BCAS3: variants seen among roughly 807,000 people sequenced by gnomAD.
BCAS3 encodes BCAS3 microtubule associated cell migration factor.
BCAS3 carries 53 observed loss-of-function variants against 116.1 expected under a neutral mutation model. The observed-to-expected ratio is 0.46, with a 90% CI of 0.37 to 0.57. BCAS3 has a LOEUF of 0.57. Ranked by LOEUF, BCAS3 falls within the 20% of genes least tolerant of loss-of-function variation. The probability of loss-of-function intolerance (pLI) is 0.00; values close to 1 mark genes in which losing one functional copy is unlikely to be tolerated. For missense variants in BCAS3, 917 were observed against 1,165.4 expected, an observed-to-expected ratio of 0.79 and a Z score of 3.10; for synonymous variants, 391 against 408.2, an observed-to-expected ratio of 0.96 and a Z score of 0.51.
rs549959867 is a variant in BCAS3, at chr17:61,029,037, C to A, written c.1638-5629C>A. Reference sequence around the variant, plus strand: ...TTTTCCATGTTATTTAGCATTCAACCTGAGAATGTTTTTATGTACTGTTCT... The same window carrying A: ...TTTTCCATGTTATTTAGCATTCAACATGAGAATGTTTTTATGTACTGTTCT... On this transcript the variant is annotated intron_variant, in intron 16 of 23. Coordinates refer to ENST00000407086, the MANE Select transcript of BCAS3 (RefSeq NM_017679.5). This position sits in a 1 kb window ranked among gnomAD's most constrained non-coding sequence, Gnocchi z 5.2. Among the ~76,000 whole-genome samples, 1 of 151,852 alleles carries A rather than the reference C, an allele frequency of 6.6e-6. No homozygotes were observed. The highest frequency in any genetic ancestry group is 2.1e-4 in the South Asian group (1 of 4,822).
chr17:61,055,321 A>G (rs1397721677), intron 19 of BCAS3, among the ~76,000 whole-genome samples: 1 of 152,196 alleles, frequency 6.6e-6, no homozygotes, highest in Non-Finnish European at 1.5e-5. Context: ...GCGCCATTTC[A>G]GGGTGACTAT....
intron 19 of BCAS3, among the ~76,000 whole-genome samples, chr17:61,052,707 CTTTCTTTCTTTTTTTTTT>C (rs1305206861): frequency 2.2e-5 from 3 of 139,416 alleles, no homozygotes; most frequent in African/African-American, 8.4e-5. Flanking sequence ...TTCTTTCTTT[CTTTCTTTCTTTTTTTTTT>C]TTTTTTTTTT....
intron 22 of BCAS3, among the ~76,000 whole-genome samples, chr17:61,099,384 A>T (rs1264525646): frequency 1.3e-5 from 2 of 152,152 alleles, no homozygotes; most frequent in East Asian, 3.9e-4. Context: ...ACCATTGTTG[A>T]TTTCTTATAA....
chr17:61,173,778 A>C (rs900909414), intron 22 of BCAS3, among the ~76,000 whole-genome samples: 12 of 151,850 alleles, frequency 7.9e-5, no homozygotes, highest in Admixed American at 2.0e-4. Context: ...GCCACTCAGG[A>C]GGTTGAGATG....
chr17:60,743,512 A>G lies in BCAS3; in HGVS notation c.322-3686A>G, dbSNP rs553499542. On this transcript the variant is annotated intron_variant, in intron 5 of 23. Coordinates refer to ENST00000407086, the MANE Select transcript of BCAS3 (RefSeq NM_017679.5). ...TGTTACCTCTTGATAAAGTTTGCTA[A>G]AAAAAAAAAAAATCATTTGTGGACC... Among the ~76,000 whole-genome samples, 383 of 136,744 alleles carry G rather than the reference A, an allele frequency of 2.8e-3. 1 individual carries two copies. The highest frequency in any genetic ancestry group is 0.011 in the African/African-American group (368 of 32,978). The allele number at this position is 136,744 out of a possible 152,430, so 89.7% of individuals were successfully genotyped here. A position where few individuals can be genotyped will look rare whatever the true frequency, so the allele number is the denominator to read the frequency against.
At chr17:60,918,914 C>T (rs1433291377) in intron 12 of BCAS3, among the ~76,000 whole-genome samples, 3 of 151,898 alleles carry the variant, frequency 2.0e-5, no homozygotes, top group African/African-American at 4.8e-5. Flanking sequence ...AGGATGGTCC[C>T]GATCTCCTGA....
chr17:61,033,308 G>A lies in BCAS3; in HGVS notation c.1638-1358G>A, dbSNP rs867399720. The stretch of plus-strand genomic sequence containing the variant: ...ATTTCTGATTTAGTAGGTCTGGGAT[G>A]GGGCCTATGAGTATTTGCTTGCACT... On this transcript the variant is annotated intron_variant, in intron 16 of 23. Coordinates refer to ENST00000407086, the MANE Select transcript of BCAS3 (RefSeq NM_017679.5). 2.6e-5 allele frequency among the ~76,000 whole-genome samples: 4 copies of A among 152,262 alleles called. No homozygotes were observed. In the South Asian group the frequency reaches 8.3e-4, roughly 32 times the overall value.
chr17:61,274,957 C>G (rs1568729211), intron 22 of BCAS3, among the ~76,000 whole-genome samples: 1 of 152,084 alleles, frequency 6.6e-6, no homozygotes, highest in Non-Finnish European at 1.5e-5. Context: ...CTCCTGGTCT[C>G]AAGTAATGAT....
intron 6 of BCAS3, among the ~76,000 whole-genome samples, chr17:60,747,720 G>A (rs1366799683): frequency 2.0e-5 from 3 of 151,962 alleles, no homozygotes; most frequent in Non-Finnish European, 4.4e-5. Context: ...TTATACTTAT[G>A]CCATGGAGAG....
In BCAS3 at chr17:61,176,717, C is replaced by T. The variant is rs546180872; in HGVS notation, c.2425+92153C>T. Among the ~76,000 whole-genome samples, 447 of 152,010 alleles carry T rather than the reference C, an allele frequency of 2.9e-3. 4 individuals are homozygous for T. Among genetic ancestry groups the T allele is most frequent in the Non-Finnish European group, 2.8e-3 (193 of 67,962 alleles). On this transcript the variant is annotated intron_variant, in intron 22 of 23. Transcript: ENST00000407086. Reference sequence around the variant, plus strand: ...GGACTACAGTCATGTGCCAACATGTCCCAACAATTTTTGAAATTTTTTGTA... The same window carrying T: ...GGACTACAGTCATGTGCCAACATGTTCCAACAATTTTTGAAATTTTTTGTA...
chr17:61,058,478 C>T (rs1007287912), intron 19 of BCAS3, among the ~76,000 whole-genome samples: 3 of 152,082 alleles, frequency 2.0e-5, no homozygotes, highest in African/African-American at 4.8e-5. Context: ...CTTGGTCACT[C>T]GGCTGATTTC....
intron 5 of BCAS3, among the ~76,000 whole-genome samples, chr17:60,727,853 G>A (rs1487658929): frequency 2.7e-5 from 4 of 147,976 alleles, no homozygotes; most frequent in Non-Finnish European, 5.9e-5. Flanking sequence ...TGTTGGCCAT[G>A]CTGGAGTACA....
At chr17:60,728,714 A>G (rs1206031443) in intron 5 of BCAS3, among the ~76,000 whole-genome samples, 1 of 152,080 alleles carries the variant, frequency 6.6e-6, no homozygotes, top group Non-Finnish European at 1.5e-5. Context: ...TCCTGACCTC[A>G]AGCAATCTAC....
intron 22 of BCAS3, among the ~76,000 whole-genome samples, chr17:61,114,900 C>T (rs1244663905): frequency 1.3e-5 from 2 of 151,934 alleles, no homozygotes; most frequent in African/African-American, 4.8e-5. Flanking sequence ...AGATATAGAT[C>T]AATGGAACAG....
At chr17:61,120,716 CT>C (rs904541122) in intron 22 of BCAS3, among the ~76,000 whole-genome samples, 43 of 151,860 alleles carry the variant, frequency 2.8e-4, no homozygotes, top group African/African-American at 7.7e-4. Flanking sequence ...AAAATAAGGA[CT>C]TTTTTTTAAA....
In BCAS3 at chr17:61,365,775, G is replaced by T. The variant is rs1412913453; in HGVS notation, c.2426-2552G>T. Among the ~76,000 whole-genome samples, 3 of 152,152 alleles carry T rather than the reference G, an allele frequency of 2.0e-5. No individual in the cohort carries two copies. The highest frequency in any genetic ancestry group is 2.9e-5 in the Non-Finnish European group (2 of 68,036). ...TTCTAGAGACAGACCTCCTGCTCTT[G>T]TGAAGTGAGAAAACAAATGGTCATT... On this transcript the variant is annotated intron_variant, in intron 22 of 23. Transcript: ENST00000407086. This position sits in a 1 kb window ranked among gnomAD's most constrained non-coding sequence, Gnocchi z 4.6.
At chr17:61,187,886 A>G (rs2079874111) in intron 22 of BCAS3, among the ~76,000 whole-genome samples, 2 of 152,042 alleles carry the variant, frequency 1.3e-5, no homozygotes, top group Admixed American at 1.3e-4. Flanking sequence ...TGCCAAATTA[A>G]TCTTGCCCAA....
At chr17:60,946,358 A>T (rs1226282867) in intron 13 of BCAS3, among the ~76,000 whole-genome samples, 1 of 152,176 alleles carries the variant, frequency 6.6e-6, no homozygotes, top group Non-Finnish European at 1.5e-5. Flanking sequence ...ACATAAAATT[A>T]TGAAACTTTT....
At position 60,961,205 on chromosome 17, in the gene BCAS3, A is replaced by G. The variant is rs1038157225; in HGVS notation, c.1221+13853A>G. ...GTCAGGGAGAAATTTTGAAAAACTT[A>G]TATCATAAATTTTGTCATTTAGCTA... On this transcript the variant is annotated intron_variant, in intron 14 of 23. Coordinates refer to ENST00000407086, the MANE Select transcript of BCAS3 (RefSeq NM_017679.5). The surrounding 1 kb of genome is among the most constrained non-coding windows in gnomAD (Gnocchi z 4.8). Among the ~76,000 whole-genome samples the G allele has an allele frequency of 6.6e-6, 1 of 152,234 alleles. No individual in the cohort carries two copies. Among genetic ancestry groups the G allele is most frequent in the Non-Finnish European group, 1.5e-5 (1 of 68,038 alleles).
Sources: gnomAD v4.1 joint callset for allele counts (sites outside exome capture counted in the v4.1 genomes callset) on GRCh38, gnomAD v4.1.1 for gene constraint, Gnocchi (gnomAD v3.1) non-coding constraint, MANE v1.5 for transcripts, NCBI Gene and HGNC (gene_info 2026-07-23, HGNC 2026-07-21) for gene names.